ERBB4: variants seen among roughly 807,000 people sequenced by gnomAD.
The protein encoded by ERBB4 is receptor tyrosine-protein kinase erbB-4.
A neutral mutation model predicts 158.0 loss-of-function variants in ERBB4; 42 were observed. The ratio of observed to expected loss-of-function variants is 0.27; its 90% CI spans 0.21 to 0.34. The LOEUF (loss-of-function observed/expected upper bound fraction) is 0.34, where lower values mean the gene tolerates loss of function less well. Among genes scored for constraint, ERBB4 ranks in the 10% least tolerant of loss-of-function variants. The probability of loss-of-function intolerance (pLI) is 1.00; values close to 1 mark genes in which losing one functional copy is unlikely to be tolerated. For missense variants in ERBB4, 1,333 were observed against 1,624.1 expected, an observed-to-expected ratio of 0.82 and a Z score of 3.08; for synonymous variants, 583 against 558.7, an observed-to-expected ratio of 1.04 and a Z score of -0.61.
chr2:212,298,359 G>A (rs2086494181), intron 1 of ERBB4, among the ~76,000 whole-genome samples: 1 of 151,608 alleles, frequency 6.6e-6, no homozygotes, highest in Admixed American at 6.6e-5. Context: ...GATAAAAATT[G>A]CATATTTGCT....
intron 20 of ERBB4, among the ~76,000 whole-genome samples, chr2:211,442,625 T>C (rs1217071590): frequency 6.8e-6 from 1 of 147,564 alleles, no homozygotes; most frequent in East Asian, 2.2e-4. Flanking sequence ...TATATGTGTG[T>C]ATACACACAC....
chr2:212,278,446 T>G (rs114609408), intron 1 of ERBB4, among the ~76,000 whole-genome samples: 11,524 of 151,702 alleles, frequency 0.076, 593 homozygotes, highest in South Asian at 0.15. Flanking sequence ...TATGGTCTTT[T>G]CAGTGAGGGG....
At chr2:211,978,256 C>T (rs760612398) in intron 2 of ERBB4, among the ~76,000 whole-genome samples, 11 of 151,948 alleles carry the variant, frequency 7.2e-5, no homozygotes, top group Non-Finnish European at 1.6e-4. Context: ...TGACTTGTGT[C>T]ACTTTTCCTA....
At chr2:211,523,513 G>T (rs977760899) in intron 20 of ERBB4, among the ~76,000 whole-genome samples, 1 of 151,566 alleles carries the variant, frequency 6.6e-6, no homozygotes, top group Non-Finnish European at 1.5e-5. Flanking sequence ...TCTGATGTTC[G>T]GATGTGTTCG....
intron 1 of ERBB4, among the ~76,000 whole-genome samples, chr2:212,461,700 A>C (rs527494232): frequency 3.3e-5 from 5 of 152,120 alleles, no homozygotes; most frequent in African/African-American, 1.2e-4. Context: ...GAGATTGGGG[A>C]GGGGTCAAGG....
At chr2:212,435,215 C>A (rs1347972592) in intron 1 of ERBB4, among the ~76,000 whole-genome samples, 6 of 151,996 alleles carry the variant, frequency 3.9e-5, no homozygotes, top group African/African-American at 1.4e-4. Context: ...TTTCAGTGCC[C>A]ATCTCCTACC....
chr2:212,292,348 A>T (rs964297480), intron 1 of ERBB4, among the ~76,000 whole-genome samples: 6 of 152,058 alleles, frequency 3.9e-5, no homozygotes, highest in African/African-American at 1.4e-4. Context: ...ATATTTTGCT[A>T]AACATCAGAA....
rs539001326 is a variant in ERBB4 at position 211,547,761 on chromosome 2, TA to T, written c.2487+14141del. Among the ~76,000 whole-genome samples, 205 of 145,358 alleles carry T rather than the reference TA, an allele frequency of 1.4e-3. 1 individual carries two copies. Among genetic ancestry groups the T allele is most frequent in the Middle Eastern group, 3.5e-3 (1 of 282 alleles). On this transcript the variant is annotated intron_variant, in intron 20 of 27. Transcript: ENST00000342788. ...ATTGGGGTAGCTTTCACTTTTCTGT[TA>T]AAAAAAAAAAGTACCGTAAAAGTAC...
chr2:212,296,995 T>C (rs952253864), intron 1 of ERBB4, among the ~76,000 whole-genome samples: 1 of 151,828 alleles, frequency 6.6e-6, no homozygotes, highest in African/African-American at 2.4e-5. Context: ...CTGTCCCTTA[T>C]TTTTTTCCCT....
intron 1 of ERBB4, among the ~76,000 whole-genome samples, chr2:212,528,337 G>C (rs1186847155): frequency 6.6e-6 from 1 of 152,082 alleles, no homozygotes; most frequent in East Asian, 1.9e-4. Context: ...AGAGCCAGCT[G>C]GCTCTCAGGA....
intron 19 of ERBB4, 43 bp from the exon 20 acceptor site, chr2:211,562,131 T>C (rs2125722760): frequency 6.4e-7 from 1 of 1,574,008 alleles, no homozygotes; most frequent in Middle Eastern, 1.7e-4. Context: ...ACTCAAATTT[T>C]CTTAGATTTA....
At chr2:212,248,451 A>G (rs897611041) in intron 1 of ERBB4, among the ~76,000 whole-genome samples, 1 of 152,158 alleles carries the variant, frequency 6.6e-6, no homozygotes, top group Non-Finnish European at 1.5e-5. Context: ...GCTGAGTTCT[A>G]TACTGTCAAT....
chr2:211,768,751 A>G (rs961271049), intron 4 of ERBB4, among the ~76,000 whole-genome samples: 1 of 142,994 alleles, frequency 7.0e-6, no homozygotes, highest in Admixed American at 6.9e-5. Context: ...AGCCCATGAA[A>G]CCATTTTTTC....
At chr2:211,521,298 C>T (rs2066179156) in intron 20 of ERBB4, among the ~76,000 whole-genome samples, 1 of 152,092 alleles carries the variant, frequency 6.6e-6, no homozygotes, top group Admixed American at 6.5e-5. Flanking sequence ...AGCCTTATTG[C>T]TGTTATGAAG....
intron 4 of ERBB4, among the ~76,000 whole-genome samples, chr2:211,764,128 T>C (rs2075488191): frequency 6.6e-6 from 1 of 152,216 alleles, no homozygotes; most frequent in Non-Finnish European, 1.5e-5. Flanking sequence ...TCGAAGTTCA[T>C]ACACAAAAAA....
intron 25 of ERBB4, among the ~76,000 whole-genome samples, chr2:211,393,079 A>AGAG (rs1438106212): frequency 6.6e-6 from 1 of 152,216 alleles, no homozygotes. Flanking sequence ...AATATGAACA[A>AGAG]GAGTCAAGAC....
intron 3 of ERBB4, among the ~76,000 whole-genome samples, chr2:211,929,264 T>A (rs199861434): frequency 1.4e-4 from 16 of 117,446 alleles, no homozygotes; most frequent in African/African-American, 4.3e-4. Context: ...TGTGTGTGTG[T>A]GACAGAGAGA....
At chr2:212,298,695 C>A (rs1047115715) in intron 1 of ERBB4, among the ~76,000 whole-genome samples, 4 of 151,740 alleles carry the variant, frequency 2.6e-5, no homozygotes, top group Admixed American at 1.3e-4. Flanking sequence ...TTACTAAGAG[C>A]TTCACCAAAG....
intron 7 of ERBB4, among the ~76,000 whole-genome samples, chr2:211,716,297 G>A (rs1338936260): frequency 2.1e-5 from 3 of 145,748 alleles, no homozygotes; most frequent in African/African-American, 7.7e-5. Context: ...GGGAGGTGGA[G>A]GTTGTAGTGA....
Sources: gnomAD v4.1 joint callset for allele counts (sites outside exome capture counted in the v4.1 genomes callset) on GRCh38, gnomAD v4.1.1 for gene constraint, MANE v1.5 for transcripts, NCBI Gene and HGNC (gene_info 2026-07-23, HGNC 2026-07-21) for gene names.